The following CCDC7 variants were observed in gnomAD, a reference collection of about 807,000 sequenced individuals.
The protein encoded by CCDC7 is coiled-coil domain-containing protein 7.
In CCDC7, 183 loss-of-function variants were observed where a neutral mutation model predicts 196.9. That is an observed-to-expected ratio of 0.93 (90% CI 0.82 to 1.05). The LOEUF (loss-of-function observed/expected upper bound fraction) is 1.05, where lower values mean the gene tolerates loss of function less well. Ranked by LOEUF, CCDC7 falls within the 50% of genes least tolerant of loss-of-function variation. The pLI, the probability that CCDC7 is intolerant of heterozygous loss-of-function variation, is 0.00. For synonymous variants in CCDC7, 525 were observed against 484.6 expected, an observed-to-expected ratio of 1.08 and a Z score of -1.10; for missense variants, 1,540 against 1,482.2, an observed-to-expected ratio of 1.04 and a Z score of -0.64.
At chr10:32,571,116 A>G (rs1286768087) in intron 15 of CCDC7, among the ~76,000 whole-genome samples, 1 of 150,916 alleles carries the variant, frequency 6.6e-6, no homozygotes, top group Non-Finnish European at 1.5e-5. Flanking sequence ...GGTTCAGACA[A>G]TTCTGTCTCA....
chr10:32,503,799 TC>T (rs1197048245), intron 9 of CCDC7, among the ~76,000 whole-genome samples: 1 of 152,162 alleles, frequency 6.6e-6, no homozygotes, highest in Non-Finnish European at 1.5e-5. Flanking sequence ...GATTGACACT[TC>T]TTGGTCATTA....
intron 28 of CCDC7, among the ~76,000 whole-genome samples, chr10:32,774,763 G>A (rs773382451): frequency 6.6e-6 from 1 of 152,060 alleles, no homozygotes; most frequent in Non-Finnish European, 1.5e-5. Flanking sequence ...CAGTTTCTGT[G>A]CTGGCTTCTC....
At chr10:32,625,475 T>C (rs1281253938) in intron 18 of CCDC7, among the ~76,000 whole-genome samples, 2 of 151,956 alleles carry the variant, frequency 1.3e-5, no homozygotes, top group African/African-American at 4.8e-5. Context: ...CATTGAAATT[T>C]ATAGCTGTAT....
intron 13 of CCDC7, among the ~76,000 whole-genome samples, chr10:32,562,769 A>G (rs971269145): frequency 9.9e-5 from 15 of 152,112 alleles, no homozygotes; most frequent in South Asian, 4.1e-4. Flanking sequence ...CACCACTCCT[A>G]TTCAACATAG....
At chr10:32,451,571 A>C, upstream of CCDC7, 1 of 1,510,098 alleles carries the variant, frequency 6.6e-7, no homozygotes, top group Non-Finnish European at 8.8e-7. Flanking sequence ...TTTTCTCTGA[A>C]TCTCTTATTT....
chr10:32,592,505 T>C (rs1228092422), intron 18 of CCDC7, among the ~76,000 whole-genome samples: 1 of 152,086 alleles, frequency 6.6e-6, no homozygotes, highest in Non-Finnish European at 1.5e-5. Context: ...CTGCATCTTA[T>C]AAGTTTTAGG....
chr10:32,810,770 A>G (rs1171976588), intron 30 of CCDC7, among the ~76,000 whole-genome samples: 5 of 152,166 alleles, frequency 3.3e-5, no homozygotes, highest in African/African-American at 1.2e-4. Flanking sequence ...GTTAGGCCAC[A>G]AAAGATGTCT....
intron 21 of CCDC7, among the ~76,000 whole-genome samples, chr10:32,685,471 GA>G (rs2076362513): frequency 2.0e-5 from 3 of 152,100 alleles, no homozygotes; most frequent in African/African-American, 4.8e-5. Flanking sequence ...CAGAAAAGAG[GA>G]ATGAGAAAGG....
At chr10:32,846,835 A>G (rs1197226118) in intron 37 of CCDC7, among the ~76,000 whole-genome samples, 1 of 152,224 alleles carries the variant, frequency 6.6e-6, no homozygotes, top group Non-Finnish European at 1.5e-5. Context: ...GAGGAGTATA[A>G]CACATAATTA....
At chr10:32,735,817 CTA>C (rs1331119304) in intron 28 of CCDC7, among the ~76,000 whole-genome samples, 1 of 152,064 alleles carries the variant, frequency 6.6e-6, no homozygotes, top group African/African-American at 2.4e-5. Context: ...ATATTTAGAT[CTA>C]TGATCCACTA....
intron 18 of CCDC7, among the ~76,000 whole-genome samples, chr10:32,611,078 G>GC (rs1164818294): frequency 1.3e-5 from 2 of 152,134 alleles, no homozygotes; most frequent in Non-Finnish European, 2.9e-5. Context: ...ATCCTCTCCA[G>GC]CATTTGTTGT....
At chr10:32,846,631 G>C (rs530694549) in intron 37 of CCDC7, among the ~76,000 whole-genome samples, 172 bp downstream of exon 38, 2 of 152,258 alleles carry the variant, frequency 1.3e-5, no homozygotes, top group South Asian at 4.1e-4. Context: ...TGGAACATTA[G>C]CATATTATTG....
intron 2 of CCDC7, among the ~76,000 whole-genome samples, chr10:32,454,838 C>T (rs553517094): frequency 1.3e-5 from 2 of 152,324 alleles, no homozygotes; most frequent in African/African-American, 4.8e-5. Flanking sequence ...GTCTTTCCCA[C>T]TCAGTCTGTC....
At position 32,676,908 on chromosome 10, in the gene CCDC7, G is replaced by A. The variant is rs866914546; in HGVS notation, c.2123-9062G>A. Among the ~76,000 whole-genome samples the A allele has an allele frequency of 5.4e-4, 82 of 152,178 alleles. No individual in the cohort carries two copies. In the Middle Eastern group the frequency reaches 0.01, roughly 19 times the overall value. On this transcript the variant is annotated intron_variant, in intron 21 of 41. Coordinates refer to ENST00000639629, the Ensembl canonical transcript of CCDC7. ...GGTCTGTAAATCATGCTGCTATAAA[G>A]ACACATGCACACATATATTTATTGC... is the stretch of plus-strand genomic sequence containing the variant.
chr10:32,474,087 G>T, intron 8 of CCDC7, 64 bp downstream of exon 9: 1 of 1,527,828 alleles, frequency 6.5e-7, no homozygotes, highest in Non-Finnish European at 8.9e-7. Flanking sequence ...TTTCTATAAA[G>T]TAATAATTAT....
intron 27 of CCDC7, 121 bp from the exon 29 acceptor site, chr10:32,729,211 T>G (rs2083551119): frequency 9.7e-7 from 1 of 1,034,666 alleles, no homozygotes; most frequent in East Asian, 2.5e-5. Context: ...TATCACTGCC[T>G]CCACACATGC....
At chr10:32,830,121 G>GAGATATATATATATATATATATATAT (rs1555181028) in intron 32 of CCDC7, among the ~76,000 whole-genome samples, 1 of 50,656 alleles carries the variant, frequency 2.0e-5, no homozygotes, top group Non-Finnish European at 5.4e-5. Context: ...TATATATAAG[G>GAGATATATATATATATATATATATAT]ATATATATAT....
chr10:32,634,628 C>A (rs1233237791), intron 19 of CCDC7, among the ~76,000 whole-genome samples: 1 of 152,136 alleles, frequency 6.6e-6, no homozygotes, highest in African/African-American at 2.4e-5. Flanking sequence ...AACTCCTGAC[C>A]TCGTGATCCA....
chr10:32,457,894 G>A (rs561123958), intron 3 of CCDC7, among the ~76,000 whole-genome samples: 1 of 151,476 alleles, frequency 6.6e-6, no homozygotes, highest in Admixed American at 6.6e-5. Flanking sequence ...CCATTGAGTT[G>A]TCTGAGTTCC....
Sources: gnomAD v4.1 joint callset for allele counts (sites outside exome capture counted in the v4.1 genomes callset) on GRCh38, gnomAD v4.1.1 for gene constraint, MANE v1.5 for transcripts, NCBI Gene and HGNC (gene_info 2026-07-23, HGNC 2026-07-21) for gene names.